FIGN: variants seen among roughly 807,000 people sequenced by gnomAD.
The protein encoded by FIGN is fidgetin, microtubule severing factor.
A neutral mutation model predicts 51.3 loss-of-function variants in FIGN; 11 were observed. The ratio of observed to expected loss-of-function variants is 0.21; its 90% CI spans 0.13 to 0.35. The LOEUF (loss-of-function observed/expected upper bound fraction) is 0.35. Among genes scored for constraint, FIGN ranks in the 10% least tolerant of loss-of-function variants. FIGN has a pLI of 1.00. For synonymous variants in FIGN, 407 were observed against 363.2 expected (o/e 1.12, Z -1.37); for missense variants, 857 against 943.6 (o/e 0.91, Z 1.20).
chr2:163,614,767 TAACAA>T (rs1237534019), intron 2 of FIGN, among the ~76,000 whole-genome samples: 2 of 152,028 alleles, frequency 1.3e-5, no homozygotes, highest in Non-Finnish European at 2.9e-5. Flanking sequence ...TAAACATACA[TAACAA>T]ATATTATAAA....
In FIGN at chr2:163,604,955, T is replaced by TTTTTTTTTTTTCTTA. The variant is rs397986516; in HGVS notation, c.*4596_*4597insTAAGAAAAAAAAAAA. 1 of 141,852 alleles carries TTTTTTTTTTTTCTTA rather than the reference T, an allele frequency of 7.0e-6. No individual in the cohort carries two copies. The allele number at this position is 141,852 out of a possible 1,614,324, so 8.8% of individuals were successfully genotyped here. ...CTTTTGCTTTTTTTTTTTTTTTTTT[T>TTTTTTTTTTTTCTTA]GTATCATAAGACAACAAGAAGGAAT... On this transcript the variant is annotated 3_prime_UTR_variant, in exon 3 of 3. Coordinates refer to ENST00000333129, the MANE Select transcript of FIGN (RefSeq NM_018086.4).
At chr2:163,689,292 TC>T (rs1684202509) in intron 2 of FIGN, among the ~76,000 whole-genome samples, 1 of 152,038 alleles carries the variant, frequency 6.6e-6, no homozygotes, top group Non-Finnish European at 1.5e-5. Context: ...GACACAGAGC[TC>T]TATACTGCAA....
At chr2:163,725,400 A>T (rs1277021829) in intron 2 of FIGN, among the ~76,000 whole-genome samples, 1 of 152,140 alleles carries the variant, frequency 6.6e-6, no homozygotes, top group Non-Finnish European at 1.5e-5. Flanking sequence ...CTTAGCCCTA[A>T]GCAAAGGACA....
At chr2:163,675,493 TC>T (rs1383242252) in intron 2 of FIGN, among the ~76,000 whole-genome samples, 2 of 152,188 alleles carry the variant, frequency 1.3e-5, no homozygotes, top group African/African-American at 4.8e-5. Context: ...ATCTACTGAA[TC>T]AGAAATTCTG....
rs1455407165 is a variant in FIGN, at chr2:163,604,381, CAG to C, written c.*5169_*5170del. ...AATGGGACCTCGATGAAGACCTACA[CAG>C]TGCATAATTTCTTTTAAGTTCTTTT... On this transcript the variant is annotated 3_prime_UTR_variant, in exon 3 of 3. Coordinates refer to ENST00000333129, the MANE Select transcript of FIGN (RefSeq NM_018086.4). 1.3e-5 allele frequency: 2 copies of C among 152,052 alleles called. No individual in the cohort carries two copies. Among genetic ancestry groups the C allele is most frequent in the African/African-American group, 4.8e-5 (2 of 41,432 alleles). 9.4% of individuals were successfully genotyped at this position (152,052 alleles called of 1,614,324 possible).
intron 2 of FIGN, among the ~76,000 whole-genome samples, chr2:163,616,562 G>C (rs988365137): frequency 5.9e-5 from 9 of 152,198 alleles, no homozygotes; most frequent in Non-Finnish European, 1.2e-4. Flanking sequence ...AGGGACCTGA[G>C]GCAAACACCT....
In FIGN at chr2:163,655,197, C is replaced by A. The variant is rs2105323822; in HGVS notation, c.26-43391G>T. Among the ~76,000 whole-genome samples, 3 of 152,256 alleles carry A rather than the reference C, an allele frequency of 2.0e-5. No homozygotes were observed. The Middle Eastern group carries it at 0.01, about 518-fold the overall frequency. On this transcript the variant is annotated intron_variant, in intron 2 of 2. Transcript: ENST00000333129. ...GTTGAAGTAGCCAACACTTGACAAA[C>A]CGTTTGACTTTTGGAAGCAGTTCAT...
At chr2:163,703,664 G>T (rs1559026561) in intron 2 of FIGN, among the ~76,000 whole-genome samples, 4 of 152,014 alleles carry the variant, frequency 2.6e-5, no homozygotes. Context: ...GCTCCTTACT[G>T]AGGCCTTAAG....
chr2:163,652,342 CAACACACACACACACACA>C (rs908309727), intron 2 of FIGN, among the ~76,000 whole-genome samples: 9 of 112,162 alleles, frequency 8.0e-5, no homozygotes, highest in East Asian at 3.0e-4. Context: ...ATCCATTAAC[CAACACACACACACACACA>C]AACACACACA....
At chr2:163,650,523 C>G (rs1024336544) in intron 2 of FIGN, among the ~76,000 whole-genome samples, 1 of 152,090 alleles carries the variant, frequency 6.6e-6, no homozygotes, top group Non-Finnish European at 1.5e-5. Context: ...GGTATTTCTC[C>G]TAATGCTATC....
intron 2 of FIGN, among the ~76,000 whole-genome samples, chr2:163,697,863 T>A (rs550574588): frequency 6.6e-6 from 1 of 152,338 alleles, no homozygotes; most frequent in South Asian, 2.1e-4. Flanking sequence ...AGCAATCATA[T>A]GTGCTTATTG....
chr2:163,623,647 T>C (rs2105306743), intron 2 of FIGN, among the ~76,000 whole-genome samples: 1 of 152,274 alleles, frequency 6.6e-6, no homozygotes, highest in South Asian at 2.1e-4. Context: ...ACCAGTATCC[T>C]TTTAAGCAAA....
intron 2 of FIGN, among the ~76,000 whole-genome samples, chr2:163,706,156 A>G (rs75144429): frequency 0.012 from 1,864 of 152,258 alleles, 41 homozygotes; most frequent in African/African-American, 0.041. Context: ...AATGCTACGC[A>G]AATTTACACT....
intron 2 of FIGN, among the ~76,000 whole-genome samples, chr2:163,612,014 ACT>A (rs1691274570): frequency 6.6e-6 from 1 of 152,232 alleles, no homozygotes; most frequent in South Asian, 2.1e-4. Context: ...TAAAAAGCAC[ACT>A]GAGTTTAAAA....
intron 2 of FIGN, among the ~76,000 whole-genome samples, chr2:163,677,913 T>C (rs1683999101): frequency 6.6e-6 from 1 of 152,194 alleles, no homozygotes; most frequent in Non-Finnish European, 1.5e-5. Context: ...ATATACTGAA[T>C]AACGCAATGG....
At chr2:163,658,893 A>G (rs754291351) in intron 2 of FIGN, among the ~76,000 whole-genome samples, 4 of 152,220 alleles carry the variant, frequency 2.6e-5, no homozygotes, top group African/African-American at 7.2e-5. Flanking sequence ...TACTAGGAGT[A>G]TCAGTTCTTT....
chr2:163,604,535 G>A lies in FIGN; in HGVS notation c.*5017C>T, dbSNP rs1334372409. On this transcript the variant is annotated 3_prime_UTR_variant, in exon 3 of 3. Coordinates refer to ENST00000333129, the MANE Select transcript of FIGN (RefSeq NM_018086.4). Reference sequence around the variant, plus strand: ...GGTTGCTAATACTGTTCAGTGTAAAGACAGTCTTTCTGAGGTAGACTGTTC... The same window carrying A: ...GGTTGCTAATACTGTTCAGTGTAAAAACAGTCTTTCTGAGGTAGACTGTTC... 1 of 152,142 alleles carries A rather than the reference G, an allele frequency of 6.6e-6. No homozygotes were observed. Among genetic ancestry groups the A allele is most frequent in the East Asian group, 1.9e-4 (1 of 5,178 alleles). The allele number at this position is 152,142 out of a possible 1,614,324, so 9.4% of individuals were successfully genotyped here. A position where few individuals can be genotyped will look rare whatever the true frequency, so the allele number is the denominator to read the frequency against.
intron 2 of FIGN, among the ~76,000 whole-genome samples, chr2:163,680,757 A>G (rs1000391401): frequency 6.7e-6 from 1 of 150,222 alleles, no homozygotes; most frequent in African/African-American, 2.5e-5. Flanking sequence ...GGGCTCCCGG[A>G]GTCCACTGTA....
At chr2:163,698,518 A>G (rs2105349317) in intron 2 of FIGN, among the ~76,000 whole-genome samples, 2 of 152,132 alleles carry the variant, frequency 1.3e-5, no homozygotes, top group South Asian at 4.2e-4. Flanking sequence ...ACCCTACAAA[A>G]CAAGGATGAA....
Sources: gnomAD v4.1 joint callset for allele counts (sites outside exome capture counted in the v4.1 genomes callset) on GRCh38, gnomAD v4.1.1 for gene constraint, MANE v1.5 for transcripts, NCBI Gene and HGNC (gene_info 2026-07-23, HGNC 2026-07-21) for gene names.